Variants in FBXL13 observed in about 807,000 individuals in gnomAD.
FBXL13 encodes F-box and leucine-rich repeat protein 13.
FBXL13 carries 67 observed loss-of-function variants against 83.6 expected under a neutral mutation model. That is an observed-to-expected ratio of 0.80 (90% CI 0.66 to 0.98). The LOEUF (loss-of-function observed/expected upper bound fraction) is 0.98. Among genes scored for constraint, FBXL13 ranks in the 50% least tolerant of loss-of-function variants. FBXL13 has a pLI of 0.00. For missense variants in FBXL13, 822 were observed against 866.5 expected (o/e 0.95, Z 0.64); for synonymous variants, 272 against 299.5 (o/e 0.91, Z 0.95).
intron 16 of FBXL13, among the ~76,000 whole-genome samples, chr7:102,855,659 C>G (rs1383105515): frequency 6.6e-6 from 1 of 151,854 alleles, no homozygotes; most frequent in East Asian, 1.9e-4. Context: ...CAACCCACCC[C>G]TCACCTGCCG....
At chr7:103,070,096 A>AG (rs1455167472) in intron 1 of FBXL13, among the ~76,000 whole-genome samples, 5 of 151,618 alleles carry the variant, frequency 3.3e-5, no homozygotes, top group Admixed American at 6.6e-5. Context: ...AAAAAAAAAA[A>AG]GAAATTACTA....
At chr7:102,843,116 G>A (rs1408643913) in intron 17 of FBXL13, among the ~76,000 whole-genome samples, 4 of 152,152 alleles carry the variant, frequency 2.6e-5, no homozygotes, top group Admixed American at 1.3e-4. Context: ...ATCATAAAAG[G>A]TTATGAAGAT....
chr7:102,855,212 T>C (rs1805856438), intron 16 of FBXL13, among the ~76,000 whole-genome samples: 1 of 152,328 alleles, frequency 6.6e-6, no homozygotes, highest in South Asian at 2.1e-4. Flanking sequence ...AGATACTTCA[T>C]GTGGATAAAG....
chr7:102,874,326 G>C (rs1385939764), intron 16 of FBXL13: 1 of 985,128 alleles, frequency 1.0e-6, no homozygotes, highest in Non-Finnish European at 1.2e-6. Context: ...TTTGAGGTTA[G>C]CTTCCTCAGC....
chr7:102,964,349 TG>T (rs1825735792), intron 7 of FBXL13, among the ~76,000 whole-genome samples: 1 of 150,822 alleles, frequency 6.6e-6, no homozygotes, highest in African/African-American at 2.4e-5. Flanking sequence ...TAAGGAAATT[TG>T]GGGGCAAAAG....
intron 11 of FBXL13, among the ~76,000 whole-genome samples, chr7:102,895,182 G>C (rs530367693): frequency 6.6e-6 from 1 of 152,314 alleles, no homozygotes; most frequent in African/African-American, 2.4e-5. Flanking sequence ...TACTAACCCA[G>C]CTTGGAATAG....
At chr7:102,927,408 A>G (rs1818339914) in intron 9 of FBXL13, among the ~76,000 whole-genome samples, 1 of 152,212 alleles carries the variant, frequency 6.6e-6, no homozygotes, top group African/African-American at 2.4e-5. Flanking sequence ...TCTGCATCAG[A>G]AATATGACCA....
intron 8 of FBXL13, among the ~76,000 whole-genome samples, chr7:102,946,454 C>T (rs1482689098): frequency 6.6e-6 from 1 of 152,132 alleles, no homozygotes; most frequent in East Asian, 1.9e-4. Context: ...ACCAGAACTT[C>T]CAGAACCAAA....
At chr7:102,967,929 G>A (rs1442479803) in intron 7 of FBXL13, 93 bp downstream of exon 8, 2 of 874,278 alleles carry the variant, frequency 2.3e-6, no homozygotes, top group East Asian at 2.5e-5. Flanking sequence ...CACAGAGCAT[G>A]GAAGAAGGTG....
intron 16 of FBXL13, among the ~76,000 whole-genome samples, chr7:102,864,965 TCA>T (rs1299376847): frequency 6.6e-6 from 1 of 152,202 alleles, no homozygotes; most frequent in Non-Finnish European, 1.5e-5. Context: ...TACTCTGAAT[TCA>T]TGCTTTTAGT....
At chr7:102,966,461 C>G (rs1049738288) in intron 7 of FBXL13, among the ~76,000 whole-genome samples, 1 of 151,870 alleles carries the variant, frequency 6.6e-6, no homozygotes, top group African/African-American at 2.4e-5. Context: ...TTTGGAAAAC[C>G]TACAAAGAAG....
chr7:102,813,660 C>T, intron 19 of FBXL13, 129 bp from the exon 21 acceptor site: 1 of 916,130 alleles, frequency 1.1e-6, no homozygotes, highest in Admixed American at 2.4e-5. Flanking sequence ...CCTCTCTTGC[C>T]TTGCTGAGAG....
intron 8 of FBXL13, among the ~76,000 whole-genome samples, chr7:102,937,490 G>T (rs1396980647): frequency 1.6e-5 from 2 of 123,776 alleles, no homozygotes; most frequent in African/African-American, 3.1e-5. Flanking sequence ...CTGGGCGACA[G>T]AGCAAGACTC....
chr7:102,883,830 T>C lies in FBXL13; in HGVS notation c.1108-145A>G, dbSNP rs1563041342. On this transcript the variant is annotated intron_variant, in intron 12 of 19. Coordinates refer to ENST00000313221, the Ensembl canonical transcript of FBXL13. ...TTTCAAAGACAACTGGATTTTTCCA[T>C]ACATTTTAATACACCTACATTTGAC... The C allele has an allele frequency of 6.9e-6, 4 of 583,354 alleles. No homozygotes were observed. In the South Asian group the frequency reaches 7.3e-5, roughly 11 times the overall value. The allele number at this position is 583,354 out of a possible 1,614,324, so 36.1% of individuals were successfully genotyped here. A position where few individuals can be genotyped will look rare whatever the true frequency, so the allele number is the denominator to read the frequency against.
chr7:102,871,957 G>T (rs1440304232), intron 16 of FBXL13, among the ~76,000 whole-genome samples: 1 of 151,914 alleles, frequency 6.6e-6, no homozygotes. Flanking sequence ...CTGTCCCCCA[G>T]AGAACAACTC....
intron 8 of FBXL13, among the ~76,000 whole-genome samples, chr7:102,959,882 T>C (rs1232608386): frequency 6.6e-6 from 1 of 152,090 alleles, no homozygotes; most frequent in Non-Finnish European, 1.5e-5. Context: ...TATGTAAAAA[T>C]AATTTAGTGG....
intron 17 of FBXL13, among the ~76,000 whole-genome samples, chr7:102,843,728 A>G (rs1372033673): frequency 6.6e-6 from 1 of 152,300 alleles, no homozygotes; most frequent in Non-Finnish European, 1.5e-5. Flanking sequence ...ATGAGCCAAG[A>G]TCGCGCCACT....
intron 6 of FBXL13, among the ~76,000 whole-genome samples, chr7:103,021,938 T>C (rs1286972084): frequency 6.6e-6 from 1 of 152,180 alleles, no homozygotes; most frequent in Non-Finnish European, 1.5e-5. Flanking sequence ...CTCAAGGATC[T>C]AGAACTAGAA....
At chr7:102,955,733 C>T (rs1161720404) in intron 8 of FBXL13, among the ~76,000 whole-genome samples, 1 of 151,900 alleles carries the variant, frequency 6.6e-6, no homozygotes, top group Non-Finnish European at 1.5e-5. Context: ...TACAAACTAC[C>T]ATCAGAGAAC....
Sources: gnomAD v4.1 joint callset for allele counts (sites outside exome capture counted in the v4.1 genomes callset) on GRCh38, gnomAD v4.1.1 for gene constraint, MANE v1.5 for transcripts, NCBI Gene and HGNC (gene_info 2026-07-23, HGNC 2026-07-21) for gene names.